Variants in DEFB115 observed in about 807,000 individuals in gnomAD.
The protein encoded by DEFB115 is beta-defensin 115.
Under a neutral mutation model 8.8 loss-of-function variants are expected in DEFB115, and 7 were observed. That is an observed-to-expected ratio of 0.79 (90% CI 0.45 to 1.49). The LOEUF (loss-of-function observed/expected upper bound fraction) is 1.49. DEFB115 is among the 40% of genes most tolerant of loss of function. The pLI is 0.01. For synonymous variants in DEFB115, 62 were observed against 37.6 expected (o/e 1.65, Z -2.37); for missense variants, 143 against 99.4 (o/e 1.44, Z -1.86).
At chr20:31,259,404 AT>A in intron 1 of DEFB115, 55 bp from the exon 2 acceptor site, 4 of 1,470,284 alleles carry the variant, frequency 2.7e-6, no homozygotes, top group Non-Finnish European at 3.6e-6. Context: ...CCTTTCTTTA[AT>A]TGTATTTATT....
intron 1 of DEFB115, among the ~76,000 whole-genome samples, chr20:31,258,431 G>T (rs1188274713): frequency 1.3e-5 from 2 of 152,172 alleles, no homozygotes; most frequent in African/African-American, 4.8e-5. Context: ...GGGCTCTAAA[G>T]TTGATGATTT....
At chr20:31,259,017 T>G (rs371474919) in intron 1 of DEFB115, among the ~76,000 whole-genome samples, 2 of 152,134 alleles carry the variant, frequency 1.3e-5, no homozygotes, top group Admixed American at 1.3e-4. Flanking sequence ...TCATCCATTG[T>G]TCAGGGTCTT....
At chr20:31,257,802 G>A (rs752742593) in intron 1 of DEFB115, 45 bp downstream of exon 1, 2 of 1,522,858 alleles carry the variant, frequency 1.3e-6, no homozygotes, top group East Asian at 2.3e-5. Flanking sequence ...TAAGGATGGG[G>A]TCCTAACCAC....
rs762891282 is a variant in DEFB115 at position 31,259,524 on chromosome 20, G to C, written c.159G>C (p.Glu53Asp). The change falls in exon 2 of 2, where the codon GAG becomes GAC. Residue 53 changes from glutamate to aspartate, a missense_variant. Physicochemically the swap from Glu to Asp is conservative, Grantham distance 45. Transcript: ENST00000400552. ...GRCRKSCKEIERKKEKCGEKH... is the reference protein window; with the variant it reads ...GRCRKSCKEIDRKKEKCGEKH... ...GCAGGAAATCATGCAAAGAAATTGA[G>C]AGGAAGAAAGAAAAATGTGGGGAAA... 5 of 1,613,148 alleles carry C rather than the reference G, an allele frequency of 3.1e-6. No homozygotes were observed. The East Asian group carries it at 8.9e-5, about 29-fold the overall frequency.
At position 31,257,768 on chromosome 20, in the gene DEFB115, C is replaced by T. The variant is rs201367049; in HGVS notation, c.94+11C>T. The T allele has an allele frequency of 5.9e-4, 955 of 1,605,968 alleles. 7 individuals carry two copies. The South Asian group carries it at 9.8e-3, about 16-fold the overall frequency. ...CTCAGACTGCCCCAGGTAAACAGAA[C>T]CATGGAGAGAAGGGAAAAGGGAGTA... On this transcript the variant is annotated intron_variant, in intron 1 of 1. Coordinates refer to ENST00000400552, the MANE Select transcript of DEFB115 (RefSeq NM_001037730.1).
Position 31,259,599 on chromosome 20 carries a change from C to A in DEFB115, c.234C>A (p.His78Gln), listed in dbSNP as rs201340845. The A allele has an allele frequency of 1.5e-4, 235 of 1,604,736 alleles. No homozygotes were observed. Among genetic ancestry groups the A allele is most frequent in the Non-Finnish European group, 1.7e-4 (201 of 1,176,392 alleles). The change falls in exon 2 of 2, where the codon CAC becomes CAA. Residue 78 changes from histidine to glutamine, a missense_variant. By Grantham distance (24) the His-to-Gln change is conservative (BLOSUM62 0). Coordinates refer to ENST00000400552, the MANE Select transcript of DEFB115 (RefSeq NM_001037730.1). ...AAAAGGATAAACTATCACACATTCACGACCAAAAAGAGACAAGTGAGCTAT... is the reference window on the plus strand; with the variant it reads ...AAAAGGATAAACTATCACACATTCAAGACCAAAAAGAGACAAGTGAGCTAT... Reference protein sequence around the residue: ...PKEKDKLSHIHDQKETSELYI With the variant: ...PKEKDKLSHIQDQKETSELYI
At chr20:31,259,348 G>T in intron 1 of DEFB115, 112 bp from the exon 2 acceptor site, 1 of 1,161,790 alleles carries the variant, frequency 8.6e-7, no homozygotes, top group Non-Finnish European at 1.2e-6. Flanking sequence ...GCCTTTAAGT[G>T]TCAAAATCAA....
At chr20:31,259,104 G>C (rs967745892) in intron 1 of DEFB115, among the ~76,000 whole-genome samples, 1 of 152,080 alleles carries the variant, frequency 6.6e-6, no homozygotes, top group African/African-American at 2.4e-5. Flanking sequence ...ACAAATTGTG[G>C]TTAGATGAAT....
At chr20:31,257,858 C>G in intron 1 of DEFB115, 101 bp downstream of exon 1, 1 of 1,043,520 alleles carries the variant, frequency 9.6e-7, no homozygotes, top group Non-Finnish European at 1.5e-6. Context: ...GGAGAGCCCA[C>G]AGGGATGGCT....
At chr20:31,259,145 T>C (rs1983834305) in intron 1 of DEFB115, among the ~76,000 whole-genome samples, 1 of 152,006 alleles carries the variant, frequency 6.6e-6, no homozygotes, top group Non-Finnish European at 1.5e-5. Context: ...AAAAGATAAT[T>C]GAAGGCTTAG....
At chr20:31,259,180 A>G (rs568124138) in intron 1 of DEFB115, among the ~76,000 whole-genome samples, 1 of 152,314 alleles carries the variant, frequency 6.6e-6, no homozygotes, top group South Asian at 2.1e-4. Context: ...AAGCATCTAG[A>G]TTTAGAGAGG....
chr20:31,257,969 T>C (rs551986545), intron 1 of DEFB115, among the ~76,000 whole-genome samples: 1 of 152,170 alleles, frequency 6.6e-6, no homozygotes, highest in Non-Finnish European at 1.5e-5. Context: ...CTGGAGAATA[T>C]CTGCAGAGGC....
rs866556239 is a variant in DEFB115 at position 31,259,579 on chromosome 20, G to A, written c.214G>A (p.Asp72Asn). The part of the protein sequence containing the change: ...KHICCVPKEK[D>N]KLSHIHDQKE... ...TATTTGCTGTGTCCCTAAAGAAAAG[G>A]ATAAACTATCACACATTCACGACCA... Residue 72 changes from aspartate (D) to asparagine (N), a missense_variant, in exon 2 of 2, where the codon GAT becomes AAT. Asp to Asn is a conservative substitution (Grantham distance 23). Transcript: ENST00000400552. The A allele has an allele frequency of 1.2e-6, 2 of 1,611,810 alleles. No individual in the cohort carries two copies. The highest frequency in any genetic ancestry group is 1.7e-6 in the Non-Finnish European group (2 of 1,179,138).
At chr20:31,259,390 A>G (rs1481127125) in intron 1 of DEFB115, 70 bp from the exon 2 acceptor site, 3 of 1,425,124 alleles carry the variant, frequency 2.1e-6, no homozygotes, top group African/African-American at 1.5e-5. Context: ...ACTATTACCA[A>G]CATCCTTTCT....
chr20:31,257,940 G>T (rs534653669), intron 1 of DEFB115, among the ~76,000 whole-genome samples, 183 bp downstream of exon 1: 2 of 152,178 alleles, frequency 1.3e-5, no homozygotes, highest in Non-Finnish European at 2.9e-5. Context: ...GACCATGGTG[G>T]TGGTTCTCAT....
In DEFB115 at chr20:31,257,720, C is replaced by T; in HGVS notation, c.57C>T (p.Ala19=). 2 of 1,613,890 alleles carry T rather than the reference C, an allele frequency of 1.2e-6. No homozygotes were observed. The highest frequency in any genetic ancestry group is 2.2e-5 in the East Asian group (1 of 44,888). The change falls in exon 1 of 2, where the codon GCC becomes GCT. Residue 19 remains alanine, a synonymous_variant. Transcript: ENST00000400552. The part of the protein sequence containing the change: ...LSGDIKLSVL[A]LVVLVVLAQT... ...GAGACATTAAACTCTCTGTCCTGGC[C>T]TTAGTTGTCCTTGTGGTCCTGGCTC...
At position 31,257,932 on chromosome 20, in the gene DEFB115, C is replaced by A. The variant is rs183427694; in HGVS notation, c.94+175C>A. ...AAGAAGGGCAGCCTGTCAGGCCTGA[C>A]CATGGTGGTGGTTCTCATTAGGGAA... On this transcript the variant is annotated intron_variant, in intron 1 of 1. Transcript: ENST00000400552. 2.6e-5 allele frequency among the ~76,000 whole-genome samples: 4 copies of A among 152,266 alleles called. No individual in the cohort carries two copies. The East Asian group carries it at 7.7e-4, about 29-fold the overall frequency.
chr20:31,258,959 C>T (rs6088875), intron 1 of DEFB115, among the ~76,000 whole-genome samples: 13,548 of 152,172 alleles, frequency 0.089, 784 homozygotes, highest in Middle Eastern at 0.21. Context: ...CCCCAACACA[C>T]ACACACACAA....
rs774415450 is a variant in DEFB115 at position 31,259,535 on chromosome 20, A to G, written c.170A>G (p.Glu57Gly). 4 of 1,613,282 alleles carry G rather than the reference A, an allele frequency of 2.5e-6. No individual in the cohort carries two copies. The East Asian group carries it at 8.9e-5, about 36-fold the overall frequency. The change falls in exon 2 of 2, where the codon GAA becomes GGA. Residue 57 changes from glutamate to glycine, a missense_variant. Transcript: ENST00000400552. The stretch of plus-strand genomic sequence containing the variant: ...TGCAAAGAAATTGAGAGGAAGAAAG[A>G]AAAATGTGGGGAAAAACATATTTGC... ...KSCKEIERKK[E>G]KCGEKHICCV...
Sources: allele counts gnomAD v4.1 joint callset (sites outside exome capture counted in the v4.1 genomes callset), GRCh38; gene constraint gnomAD v4.1.1; transcripts MANE v1.5; gene names NCBI Gene and HGNC (gene_info 2026-07-23, HGNC 2026-07-21).